WAC: variants seen among roughly 807,000 people sequenced by gnomAD.
WAC encodes the protein WW domain-containing adapter protein with coiled-coil.
In WAC, 11 loss-of-function variants were observed where a neutral mutation model predicts 79.6. The ratio of observed to expected loss-of-function variants is 0.14; its 90% CI spans 0.09 to 0.23. The LOEUF is 0.23. Ranked by LOEUF, WAC falls within the 10% of genes least tolerant of loss-of-function variation. The pLI, the probability that WAC is intolerant of heterozygous loss-of-function variation, is 1.00. For missense variants in WAC, 728 were observed against 773.5 expected, an observed-to-expected ratio of 0.94 and a Z score of 0.70; for synonymous variants, 304 against 276.9, an observed-to-expected ratio of 1.10 and a Z score of -0.97.
chr10:28,557,796 C>T (rs1838075972), intron 3 of WAC, among the ~76,000 whole-genome samples: 1 of 152,128 alleles, frequency 6.6e-6, no homozygotes, highest in Non-Finnish European at 1.5e-5. Flanking sequence ...TCTTAGGGGT[C>T]AGGCTCAGTG....
intron 8 of WAC, among the ~76,000 whole-genome samples, chr10:28,609,800 G>GAAGGTGA (rs1201400866): frequency 9.2e-5 from 14 of 152,152 alleles, no homozygotes; most frequent in African/African-American, 2.4e-4. Flanking sequence ...CTTAAGCCTG[G>GAAGGTGA]AAGGTGAAGG....
intron 3 of WAC, among the ~76,000 whole-genome samples, chr10:28,542,620 T>C (rs531226255): frequency 6.6e-6 from 1 of 152,286 alleles, no homozygotes; most frequent in African/African-American, 2.4e-5. Flanking sequence ...TGTAAAGTGA[T>C]GGATGGAAGA....
Position 28,533,541 on chromosome 10 carries a change from C to T in WAC, c.-39C>T, listed in dbSNP as rs755299027. On this transcript the variant is annotated 5_prime_UTR_variant, in exon 1 of 14. Transcript: ENST00000354911. Reference sequence around the variant, plus strand: ...CGCCCGCCCGCCTTTCGCGGCCGCTCTCCCCCCTCCCCGACACACACTCAC... The same window carrying T: ...CGCCCGCCCGCCTTTCGCGGCCGCTTTCCCCCCTCCCCGACACACACTCAC... 6.8e-6 allele frequency: 9 copies of T among 1,329,502 alleles called. No homozygotes were observed. The highest frequency in any genetic ancestry group is 6.9e-6 in the Non-Finnish European group (7 of 1,016,074). 82.4% of individuals were successfully genotyped at this position (1,329,502 alleles called of 1,614,324 possible).
At chr10:28,550,614 A>C (rs999880265) in intron 3 of WAC, among the ~76,000 whole-genome samples, 20 of 152,166 alleles carry the variant, frequency 1.3e-4, no homozygotes, top group Admixed American at 1.3e-4. Flanking sequence ...TGACATATTC[A>C]GGAACAGGTG....
intron 7 of WAC, among the ~76,000 whole-genome samples, chr10:28,603,479 G>A (rs890814169): frequency 1.1e-4 from 17 of 152,126 alleles, no homozygotes; most frequent in African/African-American, 3.6e-4. Context: ...ATTCTCTCAC[G>A]TAAATTCATT....
At chr10:28,575,588 A>C (rs1050705749) in intron 3 of WAC, among the ~76,000 whole-genome samples, 3 of 152,204 alleles carry the variant, frequency 2.0e-5, no homozygotes, top group Non-Finnish European at 4.4e-5. Context: ...GGCTAATGCC[A>C]TTGTTCATCT....
chr10:28,608,699 C>G, intron 8 of WAC: 1 of 391,386 alleles, frequency 2.6e-6, no homozygotes, highest in Non-Finnish European at 4.6e-6. Context: ...TGGAGGTAAG[C>G]CATTCTATAT....
chr10:28,553,377 AT>A (rs1837805025), intron 3 of WAC, among the ~76,000 whole-genome samples: 1 of 152,210 alleles, frequency 6.6e-6, no homozygotes, highest in Admixed American at 6.5e-5. Context: ...AAGTCAGGAA[AT>A]ACTCATTTTG....
In WAC at chr10:28,590,816, T is replaced by G. The variant is rs780939050; in HGVS notation, c.594T>G (p.Ser198Arg). The G allele has an allele frequency of 8.6e-5, 138 of 1,609,620 alleles. No individual in the cohort carries two copies. Among genetic ancestry groups the G allele is most frequent in the Non-Finnish European group, 1.1e-4 (126 of 1,178,934 alleles). The change falls in exon 6 of 14, where the codon AGT becomes AGG. Residue 198 changes from serine (S) to arginine (R), a missense_variant. Around this residue, in one of 3 missense-constraint regions of WAC, gnomAD observed 648 missense variants for 661.5 expected, o/e 0.98. Coordinates refer to ENST00000354911, the MANE Select transcript of WAC (RefSeq NM_016628.5). ...RREVMQATAT[S>R]GFASGMEDKH... is the part of the protein sequence containing the mutation. ...AGGTGATGCAAGCAACAGCCACTAG[T>G]GGGTTTGCCAGTGGAAGTAAGTATT...
At chr10:28,550,618 A>G (rs1454780272) in intron 3 of WAC, among the ~76,000 whole-genome samples, 1 of 152,162 alleles carries the variant, frequency 6.6e-6, no homozygotes, top group Non-Finnish European at 1.5e-5. Flanking sequence ...ATATTCAGGA[A>G]CAGGTGAGTG....
At chr10:28,602,203 A>G (rs956008762) in intron 7 of WAC, among the ~76,000 whole-genome samples, 7 of 152,216 alleles carry the variant, frequency 4.6e-5, no homozygotes, top group African/African-American at 1.7e-4. Context: ...GGGTCTTGCT[A>G]GTAGGGGATG....
chr10:28,596,583 T>G (rs547218122), intron 7 of WAC, among the ~76,000 whole-genome samples: 1 of 152,272 alleles, frequency 6.6e-6, no homozygotes, highest in East Asian at 1.9e-4. Context: ...TCCAACTCAG[T>G]GTCAATAATC....
At position 28,610,912 on chromosome 10, in the gene WAC, A is replaced by T. The variant is rs535151354; in HGVS notation, c.1288+91A>T. On this transcript the variant is annotated intron_variant, in intron 9 of 13. Transcript: ENST00000354911. ...TTTTTTGTATTTAGTTTTTTCTTTC[A>T]TTTTTTTTTTTAGTTTTTTAAGAGA... The T allele has an allele frequency of 2.3e-4, 256 of 1,119,336 alleles. 1 individual carries two copies. Among genetic ancestry groups the T allele is most frequent in the African/African-American group, 1.1e-3 (63 of 59,924 alleles). The allele number at this position is 1,119,336 out of a possible 1,614,324, so 69.3% of individuals were successfully genotyped here.
intron 3 of WAC, among the ~76,000 whole-genome samples, chr10:28,537,293 A>G (rs1282523514): frequency 1.3e-5 from 2 of 152,198 alleles, no homozygotes; most frequent in Non-Finnish European, 2.9e-5. Context: ...TAAGTTTTCC[A>G]TAGTATTATG....
intron 3 of WAC, among the ~76,000 whole-genome samples, chr10:28,554,378 T>G (rs1414051320): frequency 6.6e-6 from 1 of 152,174 alleles, no homozygotes; most frequent in East Asian, 1.9e-4. Context: ...ATATCTAGAA[T>G]CAGTTAATAT....
chr10:28,576,738 C>T (rs770956010), intron 3 of WAC, among the ~76,000 whole-genome samples: 4 of 152,112 alleles, frequency 2.6e-5, no homozygotes, highest in Admixed American at 6.6e-5. Flanking sequence ...GCATCCCTGG[C>T]CCCCTTTCAC....
At chr10:28,587,876 G>C (rs141287487) in intron 4 of WAC, among the ~76,000 whole-genome samples, 102 of 151,938 alleles carry the variant, frequency 6.7e-4, no homozygotes, top group African/African-American at 2.2e-3. Flanking sequence ...TGTCCTGGAG[G>C]TTGTGCCAGA....
intron 1 of WAC, 129 bp from the exon 2 acceptor site, chr10:28,533,869 G>A (rs1836443438): frequency 8.3e-7 from 1 of 1,201,634 alleles, no homozygotes; most frequent in African/African-American, 1.6e-5. Context: ...CCGTGTGCGT[G>A]CGGGGCTCGG....
chr10:28,533,473 A>T lies in WAC; in HGVS notation c.-107A>T. The stretch of plus-strand genomic sequence containing the variant: ...GAGTCGCCGAGGGCGCGCCGGGCCC[A>T]GGTGCCGGGGCTGCCCGCCGCCCGC... On this transcript the variant is annotated 5_prime_UTR_variant, in exon 1 of 14. Coordinates refer to ENST00000354911, the MANE Select transcript of WAC (RefSeq NM_016628.5). 7.1e-6 allele frequency: 4 copies of T among 562,998 alleles called. No individual in the cohort carries two copies. The highest frequency in any genetic ancestry group is 9.1e-6 in the Non-Finnish European group (4 of 439,096). 34.9% of individuals were successfully genotyped at this position (562,998 alleles called of 1,614,324 possible).
Sources: allele counts gnomAD v4.1 joint callset (sites outside exome capture counted in the v4.1 genomes callset), GRCh38; gene constraint gnomAD v4.1.1; regional missense constraint gnomAD v4.1.1; transcripts MANE v1.5; gene names NCBI Gene and HGNC (gene_info 2026-07-23, HGNC 2026-07-21).